ESRP1: variants seen among roughly 807,000 people sequenced by gnomAD.
ESRP1 encodes the protein RNA-binding motif protein 35A.
ESRP1 carries 33 observed loss-of-function variants against 81.7 expected under a neutral mutation model. That is an observed-to-expected ratio of 0.40 (90% CI 0.31 to 0.54). The LOEUF is 0.54. Ranked by LOEUF, ESRP1 falls within the 20% of genes least tolerant of loss-of-function variation. ESRP1 has a pLI of 0.41. For missense variants in ESRP1, 672 were observed against 833.1 expected, an observed-to-expected ratio of 0.81 and a Z score of 2.38; for synonymous variants, 320 against 303.3, an observed-to-expected ratio of 1.06 and a Z score of -0.57.
At chr8:94,702,438 T>C (rs1809876751) in intron 15 of ESRP1, among the ~76,000 whole-genome samples, 1 of 152,202 alleles carries the variant, frequency 6.6e-6, no homozygotes, top group Admixed American at 6.5e-5. Context: ...ACCAGTTAAT[T>C]ACATGAAAAA....
At chr8:94,641,527 G>A (rs1817587704) in intron 1 of ESRP1, 77 bp downstream of exon 1, 4 of 1,586,142 alleles carry the variant, frequency 2.5e-6, no homozygotes, top group South Asian at 1.1e-5. Flanking sequence ...GGGGAGGGGG[G>A]TGGAGGTAAG....
rs115543667 is a variant in ESRP1 at position 94,660,836 on chromosome 8, G to A, written c.491-1436G>A. On this transcript the variant is annotated intron_variant, in intron 4 of 15. Coordinates refer to ENST00000433389, the MANE Select transcript of ESRP1 (RefSeq NM_017697.4). ...CCCTCAAACAGCATCACAGGCTACCGAATCTTTGATGAAAGGAAGAGGCAA... is the reference window on the plus strand; with the variant it reads ...CCCTCAAACAGCATCACAGGCTACCAAATCTTTGATGAAAGGAAGAGGCAA... Among the ~76,000 whole-genome samples the A allele has an allele frequency of 7.5e-3, 1,134 of 150,710 alleles. 18 individuals carry two copies. The highest frequency in any genetic ancestry group is 0.026 in the African/African-American group (1,065 of 40,928).
chr8:94,703,124 T>TTTC (rs57623496), intron 15 of ESRP1, among the ~76,000 whole-genome samples: 1 of 150,214 alleles, frequency 6.7e-6, no homozygotes, highest in Non-Finnish European at 1.5e-5. Context: ...TTTTTTTTTT[T>TTTC]GCTAGCAGTT....
At chr8:94,695,348 C>CTTTTTT (rs1177357708) in intron 14 of ESRP1, among the ~76,000 whole-genome samples, 657 of 61,158 alleles carry the variant, frequency 0.011, 15 homozygotes, top group African/African-American at 0.014. Flanking sequence ...CTTTTTCTTT[C>CTTTTTT]TTTTTTTTTT....
At chr8:94,695,611 C>A (rs192124874) in intron 14 of ESRP1, among the ~76,000 whole-genome samples, 1 of 149,986 alleles carries the variant, frequency 6.7e-6, no homozygotes, top group Non-Finnish European at 1.5e-5. Context: ...GACCCGCCTG[C>A]GTTGGCATCC....
chr8:94,649,799 C>T (rs898302943), intron 4 of ESRP1, among the ~76,000 whole-genome samples: 1 of 152,172 alleles, frequency 6.6e-6, no homozygotes, highest in Non-Finnish European at 1.5e-5. Context: ...AGGCGTGAGC[C>T]ACTGCACCCG....
At chr8:94,677,376 C>T (rs187724603) in intron 12 of ESRP1, among the ~76,000 whole-genome samples, 43 of 152,200 alleles carry the variant, frequency 2.8e-4, no homozygotes, top group East Asian at 3.9e-4. Context: ...ATAAATGGCC[C>T]GGATAGTTGT....
At chr8:94,692,218 A>G (rs1180306413) in intron 13 of ESRP1, among the ~76,000 whole-genome samples, 3 of 151,974 alleles carry the variant, frequency 2.0e-5, no homozygotes, top group Non-Finnish European at 4.4e-5. Flanking sequence ...TCATGCTCCT[A>G]TATATAGGTA....
chr8:94,651,667 A>AGTGCAATGATGCAATCTTGGCT, intron 4 of ESRP1, among the ~76,000 whole-genome samples: 1 of 151,956 alleles, frequency 6.6e-6, no homozygotes, highest in East Asian at 1.9e-4. Flanking sequence ...CCCAGGCTGG[A>AGTGCAATGATGCAATCTTGGCT]GTGCAATGAT....
At chr8:94,652,156 T>G (rs1179267132) in intron 4 of ESRP1, among the ~76,000 whole-genome samples, 1 of 151,676 alleles carries the variant, frequency 6.6e-6, no homozygotes, top group Non-Finnish European at 1.5e-5. Context: ...CCCAGCTAAT[T>G]TTTGTATTTT....
intron 14 of ESRP1, among the ~76,000 whole-genome samples, chr8:94,693,761 G>A (rs1294746735): frequency 6.6e-6 from 1 of 152,176 alleles, no homozygotes; most frequent in Admixed American, 6.5e-5. Context: ...GCTATTTGGT[G>A]ATTAGAATGG....
intron 13 of ESRP1, chr8:94,688,366 T>G (rs539255005): frequency 2.1e-4 from 58 of 272,874 alleles, no homozygotes; most frequent in Non-Finnish European, 3.0e-4. Flanking sequence ...ATGGTTACAA[T>G]GGCGAATTTG....
chr8:94,690,699 C>A (rs1809367805), intron 13 of ESRP1, among the ~76,000 whole-genome samples: 1 of 152,012 alleles, frequency 6.6e-6, no homozygotes, highest in Admixed American at 6.6e-5. Context: ...TTTGAGAGTA[C>A]TAGAGACCTC....
intron 6 of ESRP1, 40 bp downstream of exon 6, chr8:94,662,595 G>GTT (rs11404889): frequency 0.075 from 86,874 of 1,152,266 alleles, 19 homozygotes; most frequent in East Asian, 0.16. Context: ...TTTTTAACTT[G>GTT]TTTTTTTTTT....
intron 11 of ESRP1, among the ~76,000 whole-genome samples, chr8:94,672,046 T>A (rs574184777): frequency 6.6e-6 from 1 of 152,184 alleles, no homozygotes; most frequent in Admixed American, 6.6e-5. Flanking sequence ...GCATGACATA[T>A]ATTATCAGTC....
In ESRP1 at chr8:94,703,574, A is replaced by G. The variant is rs116774761; in HGVS notation, c.*36-2351A>G. 5.6e-3 allele frequency among the ~76,000 whole-genome samples: 849 copies of G among 152,310 alleles called. 4 individuals carry two copies. Among genetic ancestry groups the G allele is most frequent in the African/African-American group, 0.019 (792 of 41,568 alleles). On this transcript the variant is annotated intron_variant, in intron 15 of 15. Coordinates refer to ENST00000433389, the MANE Select transcript of ESRP1 (RefSeq NM_017697.4). The stretch of plus-strand genomic sequence containing the variant: ...ATCAGAATATGAAGGCTTAATTTTC[A>G]GCATCTACAAAGATGCTATTTCCTA...
intron 13 of ESRP1, among the ~76,000 whole-genome samples, chr8:94,687,750 G>A (rs573211351): frequency 1.3e-5 from 2 of 152,134 alleles, no homozygotes; most frequent in African/African-American, 4.8e-5. Context: ...CAAATCCTTT[G>A]CACATTTTTA....
rs541316445 is a variant in ESRP1 at position 94,641,235 on chromosome 8, G to T, written c.-84G>T. ...GCTCTTTCTTTTTCTCTTAGAAGAGGGTTTAGCACAGGTTTTTTCGTTCTC... is the reference window on the plus strand; with the variant it reads ...GCTCTTTCTTTTTCTCTTAGAAGAGTGTTTAGCACAGGTTTTTTCGTTCTC... On this transcript the variant is annotated 5_prime_UTR_variant, in exon 1 of 16. Coordinates refer to ENST00000433389, the MANE Select transcript of ESRP1 (RefSeq NM_017697.4). The T allele has an allele frequency of 7.2e-5, 97 of 1,340,728 alleles. No homozygotes were observed. The East Asian group carries it at 2.4e-3, about 33-fold the overall frequency. 83.1% of individuals were successfully genotyped at this position (1,340,728 alleles called of 1,614,324 possible).
At chr8:94,645,921 A>C (rs1817824432) in intron 3 of ESRP1, among the ~76,000 whole-genome samples, 2 of 152,190 alleles carry the variant, frequency 1.3e-5, no homozygotes. Context: ...TTTTGAATGG[A>C]ATGCATACTG....
Sources: allele counts gnomAD v4.1 joint callset (sites outside exome capture counted in the v4.1 genomes callset), GRCh38; gene constraint gnomAD v4.1.1; transcripts MANE v1.5; gene names NCBI Gene and HGNC (gene_info 2026-07-23, HGNC 2026-07-21).